Variants in RPS6KA2 observed in about 807,000 individuals in gnomAD.
RPS6KA2 encodes the protein ribosomal protein S6 kinase A2.
RPS6KA2 carries 42 observed loss-of-function variants against 91.8 expected under a neutral mutation model. The ratio of observed to expected loss-of-function variants is 0.46; its 90% CI spans 0.36 to 0.59. RPS6KA2 has a LOEUF of 0.59. RPS6KA2 is among the 20% of genes least tolerant of loss of function. RPS6KA2 has a pLI of 0.00. For synonymous variants in RPS6KA2, 414 were observed against 393.6 expected, an observed-to-expected ratio of 1.05 and a Z score of -0.61; for missense variants, 798 against 978.5, an observed-to-expected ratio of 0.82 and a Z score of 2.46.
At chr6:166,498,419 G>T in intron 8 of RPS6KA2, 89 bp downstream of exon 8, 1 of 1,415,396 alleles carries the variant, frequency 7.1e-7, no homozygotes, top group Non-Finnish European at 9.3e-7. Flanking sequence ...GCCTTCTTCC[G>T]CATTTCGGGA....
intron 2 of RPS6KA2, chr6:166,702,527 C>A: frequency 2.1e-6 from 3 of 1,460,068 alleles, no homozygotes; most frequent in Non-Finnish European, 2.9e-6. Flanking sequence ...TCCACCACTC[C>A]ATACTGGACT....
intron 2 of RPS6KA2, among the ~76,000 whole-genome samples, chr6:166,826,945 AAGGTC>A (rs1482626733): frequency 1.3e-5 from 2 of 152,188 alleles, no homozygotes; most frequent in Admixed American, 1.3e-4. Flanking sequence ...AGCCTCTAGA[AAGGTC>A]AGGGTTGAAT....
intron 2 of RPS6KA2, chr6:166,701,489 C>T (rs1789518699): frequency 2.5e-6 from 3 of 1,208,970 alleles, no homozygotes; most frequent in Non-Finnish European, 3.7e-6. Flanking sequence ...ACCTTAGCAT[C>T]TGGTGCTTCC....
At chr6:166,614,643 GT>G (rs1474177622) in intron 1 of RPS6KA2, among the ~76,000 whole-genome samples, 1 of 152,254 alleles carries the variant, frequency 6.6e-6, no homozygotes, top group East Asian at 1.9e-4. Context: ...TTCCCTCCCA[GT>G]TGTGGAGATC....
intron 1 of RPS6KA2, among the ~76,000 whole-genome samples, chr6:166,547,528 T>C (rs903551617): frequency 6.6e-6 from 1 of 152,194 alleles, no homozygotes; most frequent in African/African-American, 2.4e-5. Context: ...GCAAAACTGT[T>C]AGGCTGCAGA....
At chr6:166,479,460 G>A (rs1048247540) in intron 10 of RPS6KA2, among the ~76,000 whole-genome samples, 7 of 152,214 alleles carry the variant, frequency 4.6e-5, no homozygotes, top group African/African-American at 1.2e-4. Flanking sequence ...AGATGGCAGC[G>A]TGACTCGCCA....
At chr6:166,812,011 ACTT>A (rs1779649229) in intron 2 of RPS6KA2, among the ~76,000 whole-genome samples, 1 of 152,172 alleles carries the variant, frequency 6.6e-6, no homozygotes, top group African/African-American at 2.4e-5. Context: ...AGTCCGGGGA[ACTT>A]CTTGTGAAAC....
At chr6:166,581,138 G>A (rs1471058152) in intron 1 of RPS6KA2, among the ~76,000 whole-genome samples, 5 of 152,070 alleles carry the variant, frequency 3.3e-5, no homozygotes, top group African/African-American at 7.2e-5. Context: ...TGATCTGCCC[G>A]CCTCGGCCTC....
intron 2 of RPS6KA2, chr6:166,702,083 G>C (rs1789539603): frequency 1.4e-6 from 2 of 1,387,146 alleles, no homozygotes; most frequent in Admixed American, 3.3e-5. Flanking sequence ...GCCTTCAGGA[G>C]TAGAGAGGAT....
rs1326328289 is a variant in RPS6KA2, at chr6:166,423,622, C to A, written c.1582-205G>T. On this transcript the variant is annotated intron_variant, in intron 16 of 20. Coordinates refer to ENST00000265678, the MANE Select transcript of RPS6KA2 (RefSeq NM_021135.6). The surrounding 1 kb of genome is among the most constrained non-coding windows in gnomAD (Gnocchi z 4.8). ...CCCATTCTCCTGTGGTGGTCACTCA[C>A]TTCTGAGCTCCTGGTGTCACCTGCT... 6.6e-6 allele frequency among the ~76,000 whole-genome samples: 1 copy of A among 152,192 alleles called. No individual in the cohort carries two copies. Among genetic ancestry groups the A allele is most frequent in the Non-Finnish European group, 1.5e-5 (1 of 68,032 alleles).
At chr6:166,515,648 G>T (rs1485717662) in intron 3 of RPS6KA2, among the ~76,000 whole-genome samples, 3 of 152,152 alleles carry the variant, frequency 2.0e-5, no homozygotes, top group Non-Finnish European at 4.4e-5. Flanking sequence ...TGGCTCTGCA[G>T]CAGAGGAGAA....
At position 166,482,348 on chromosome 6, in the gene RPS6KA2, G is replaced by A. The variant is rs567496949; in HGVS notation, c.907+6485C>T. ...GGCAGGAAATTCTGCCTCAGCTATCGGGGCCCAAGAGCCAAATGTGCTCCA... is the reference window on the plus strand; with the variant it reads ...GGCAGGAAATTCTGCCTCAGCTATCAGGGCCCAAGAGCCAAATGTGCTCCA... On this transcript the variant is annotated intron_variant, in intron 10 of 20. Transcript: ENST00000265678. 2.6e-5 allele frequency among the ~76,000 whole-genome samples: 4 copies of A among 152,250 alleles called. No individual in the cohort carries two copies. The East Asian group carries it at 5.8e-4, about 22-fold the overall frequency.
rs1318968728 is a variant in RPS6KA2, at chr6:166,434,053, C to T, written c.1333-1563G>A. Reference sequence around the variant, plus strand: ...GAGATTACAGGCATGAGCAACTACACCTGGCTATTTCTTTACTTTAGAGAA... The same window carrying T: ...GAGATTACAGGCATGAGCAACTACATCTGGCTATTTCTTTACTTTAGAGAA... On this transcript the variant is annotated intron_variant, in intron 14 of 20. Coordinates refer to ENST00000265678, the MANE Select transcript of RPS6KA2 (RefSeq NM_021135.6). This position sits in a 1 kb window ranked among gnomAD's most constrained non-coding sequence, Gnocchi z 4.4. Among the ~76,000 whole-genome samples the T allele has an allele frequency of 6.6e-6, 1 of 152,212 alleles. No homozygotes were observed. Among genetic ancestry groups the T allele is most frequent in the Non-Finnish European group, 1.5e-5 (1 of 68,030 alleles).
intron 2 of RPS6KA2, among the ~76,000 whole-genome samples, chr6:166,790,518 C>T (rs1779055920): frequency 6.6e-6 from 1 of 152,022 alleles, no homozygotes; most frequent in Non-Finnish European, 1.5e-5. Context: ...GAGAATGCCA[C>T]AAAGATACTC....
At position 166,459,365 on chromosome 6, in the gene RPS6KA2, T is replaced by C. The variant is rs1698170288; in HGVS notation, c.1075+84A>G. ...TTTCCATGAAAAGAATTCTGAGGCA[T>C]GGGAATTTCTTGTTCCTAGATATCT... On this transcript the variant is annotated intron_variant, in intron 12 of 20. Coordinates refer to ENST00000265678, the MANE Select transcript of RPS6KA2 (RefSeq NM_021135.6). The surrounding 1 kb of genome is among the most constrained non-coding windows in gnomAD (Gnocchi z 4.9). The C allele has an allele frequency of 3.8e-6, 3 of 786,296 alleles. No homozygotes were observed. The highest frequency in any genetic ancestry group is 2.7e-5 in the East Asian group (1 of 37,718). The allele number at this position is 786,296 out of a possible 1,614,324, so 48.7% of individuals were successfully genotyped here. A position where few individuals can be genotyped will look rare whatever the true frequency, so the allele number is the denominator to read the frequency against.
chr6:166,501,984 A>G (rs1262868170), intron 6 of RPS6KA2, among the ~76,000 whole-genome samples: 1 of 152,242 alleles, frequency 6.6e-6, no homozygotes, highest in Non-Finnish European at 1.5e-5. Context: ...GTATTATATG[A>G]TTTTACAAAT....
chr6:166,784,900 C>T (rs2128611985), intron 2 of RPS6KA2, among the ~76,000 whole-genome samples: 1 of 152,278 alleles, frequency 6.6e-6, no homozygotes, highest in Admixed American at 6.5e-5. Flanking sequence ...TCCCTGTTTG[C>T]CTCACTTTGC....
intron 19 of RPS6KA2, among the ~76,000 whole-genome samples, chr6:166,414,726 C>T (rs962566403): frequency 6.6e-6 from 1 of 152,164 alleles, no homozygotes; most frequent in African/African-American, 2.4e-5. Context: ...ACTAGCCTAC[C>T]CTCCTTCCTT....
intron 2 of RPS6KA2, among the ~76,000 whole-genome samples, chr6:166,535,522 C>T (rs1285611367): frequency 6.6e-6 from 1 of 152,214 alleles, no homozygotes; most frequent in Non-Finnish European, 1.5e-5. Context: ...AGTTCATTCT[C>T]CAGAATATTT....
Sources: gnomAD v4.1 joint callset for allele counts (sites outside exome capture counted in the v4.1 genomes callset) on GRCh38, gnomAD v4.1.1 for gene constraint, Gnocchi (gnomAD v3.1) non-coding constraint, MANE v1.5 for transcripts, NCBI Gene and HGNC (gene_info 2026-07-23, HGNC 2026-07-21) for gene names.